Variants in ADGRD1 observed in about 807,000 individuals in gnomAD.
ADGRD1 encodes G-protein coupled receptor 133.
In ADGRD1, 77 loss-of-function variants were observed where a neutral mutation model predicts 113.4. The ratio of observed to expected loss-of-function variants is 0.68; its 90% CI spans 0.57 to 0.82. The LOEUF (loss-of-function observed/expected upper bound fraction) is 0.82. Among genes scored for constraint, ADGRD1 ranks in the 40% least tolerant of loss-of-function variants. The probability of loss-of-function intolerance (pLI) is 0.00; values close to 1 mark genes in which losing one functional copy is unlikely to be tolerated. For synonymous variants in ADGRD1, 474 were observed against 475.0 expected, an observed-to-expected ratio of 1.00 and a Z score of 0.03; for missense variants, 1,036 against 1,139.1, an observed-to-expected ratio of 0.91 and a Z score of 1.30.
intron 4 of ADGRD1, among the ~76,000 whole-genome samples, chr12:130,976,493 G>C (rs907288001): frequency 1.3e-5 from 2 of 152,132 alleles, no homozygotes; most frequent in African/African-American, 4.8e-5. Context: ...CCTGGGAATC[G>C]GCATTTTTAG....
chr12:131,015,861 G>T (rs1336626609), intron 13 of ADGRD1, among the ~76,000 whole-genome samples: 1 of 152,218 alleles, frequency 6.6e-6, no homozygotes, highest in Non-Finnish European at 1.5e-5. Context: ...CAGACTTATT[G>T]TCAAACACAC....
At chr12:131,106,060 C>T (rs1193048731) in intron 17 of ADGRD1, among the ~76,000 whole-genome samples, 195 bp downstream of exon 17, 1 of 152,158 alleles carries the variant, frequency 6.6e-6, no homozygotes, top group Non-Finnish European at 1.5e-5. Context: ...ACGCCAGCCT[C>T]GGGTAAAGCT....
intron 8 of ADGRD1, among the ~76,000 whole-genome samples, chr12:130,998,039 CA>C (rs1223056396): frequency 6.7e-6 from 1 of 149,616 alleles, no homozygotes; most frequent in Non-Finnish European, 1.5e-5. Flanking sequence ...CCGTCTCCAC[CA>C]AAAAAAAACG....
chr12:131,040,126 G>C (rs1881968188), intron 13 of ADGRD1, among the ~76,000 whole-genome samples: 1 of 152,210 alleles, frequency 6.6e-6, no homozygotes, highest in South Asian at 2.1e-4. Context: ...GCTCCCAGGG[G>C]CCGCTTTATT....
At chr12:130,994,793 G>A (rs1199543046) in intron 8 of ADGRD1, among the ~76,000 whole-genome samples, 2 of 152,336 alleles carry the variant, frequency 1.3e-5, no homozygotes, top group South Asian at 4.1e-4. Context: ...GCCAGATGCT[G>A]GGCTTGGTGC....
chr12:131,123,848 A>G (rs1950671423), intron 20 of ADGRD1, among the ~76,000 whole-genome samples: 1 of 149,664 alleles, frequency 6.7e-6, no homozygotes, highest in Non-Finnish European at 1.5e-5. Flanking sequence ...AAAAGGTTCC[A>G]GGTTCAAGTG....
chr12:130,994,304 TTGAGA>T (rs1381289192), intron 8 of ADGRD1: 1 of 441,930 alleles, frequency 2.3e-6, no homozygotes, highest in East Asian at 7.0e-5. Flanking sequence ...CTTGTTTTTG[TTGAGA>T]TGGGCTACAA....
At position 131,139,180 on chromosome 12, in the gene ADGRD1, C is replaced by A. The variant is rs758174939; in HGVS notation, c.2542C>A (p.Arg848=). The A allele has an allele frequency of 6.2e-7, 1 of 1,612,928 alleles. No individual in the cohort carries two copies. Residue 848 remains arginine (R), a synonymous_variant, in exon 25 of 25, where the codon CGG becomes AGG. Transcript: ENST00000261654. ...PFHSDLMNGT[R]PGMASTKLSP... ...TTATGCTTTGCAGATGAATGGGACC[C>A]GGCCAGGCATGGCCTCCACCAAGCT...
At chr12:130,990,878 C>A in intron 6 of ADGRD1, 136 bp from the exon 7 acceptor site, 1 of 619,200 alleles carries the variant, frequency 1.6e-6, no homozygotes, top group East Asian at 2.9e-5. Context: ...TTATCTCCAG[C>A]AACATTCCTA....
chr12:130,985,878 G>A (rs1001291429), intron 5 of ADGRD1, among the ~76,000 whole-genome samples: 2 of 152,066 alleles, frequency 1.3e-5, no homozygotes, highest in African/African-American at 2.4e-5. Flanking sequence ...TTTGGAACGT[G>A]GATATTCAGT....
At chr12:131,006,215 G>A (rs190210585) in intron 12 of ADGRD1, among the ~76,000 whole-genome samples, 168 bp downstream of exon 12, 1 of 152,356 alleles carries the variant, frequency 6.6e-6, no homozygotes, top group East Asian at 1.9e-4. Flanking sequence ...AAGGCCACTT[G>A]GGAACTGCAA....
intron 20 of ADGRD1, among the ~76,000 whole-genome samples, chr12:131,121,537 C>T (rs1011702533): frequency 3.3e-5 from 5 of 152,180 alleles, no homozygotes; most frequent in African/African-American, 4.8e-5. Flanking sequence ...TGCGCCACCA[C>T]GCCCAGCTAA....
intron 4 of ADGRD1, chr12:130,978,164 G>A (rs1470400260): frequency 2.0e-5 from 3 of 152,082 alleles, no homozygotes; most frequent in Admixed American, 2.0e-4. Flanking sequence ...CTTATGCCGT[G>A]GTCTCTACAT....
intron 13 of ADGRD1, among the ~76,000 whole-genome samples, chr12:131,028,898 C>T (rs565374698): frequency 2.5e-4 from 38 of 152,300 alleles, no homozygotes; most frequent in Admixed American, 8.5e-4. Context: ...TTTGGTGAGA[C>T]GCATTTAAAA....
chr12:131,083,885 TTC>T (rs1312652520), intron 14 of ADGRD1, among the ~76,000 whole-genome samples: 2 of 152,164 alleles, frequency 1.3e-5, no homozygotes, highest in Non-Finnish European at 2.9e-5. Context: ...CGTGGGGAGT[TTC>T]TGTGTGAGCG....
intron 21 of ADGRD1, among the ~76,000 whole-genome samples, chr12:131,132,357 A>G (rs1177591207): frequency 6.6e-6 from 1 of 152,086 alleles, no homozygotes; most frequent in African/African-American, 2.4e-5. Flanking sequence ...CACACAACTC[A>G]CTGCCATCGG....
intron 13 of ADGRD1, among the ~76,000 whole-genome samples, chr12:131,017,075 C>T (rs879611833): frequency 1.3e-5 from 2 of 151,702 alleles, no homozygotes; most frequent in Non-Finnish European, 2.9e-5. Flanking sequence ...GAGGCGGGGG[C>T]AAGTGGAGAG....
intron 12 of ADGRD1, among the ~76,000 whole-genome samples, chr12:131,011,403 T>C (rs770897787): frequency 1.1e-4 from 16 of 152,024 alleles, no homozygotes; most frequent in Non-Finnish European, 1.8e-4. Context: ...TCTCACTTAA[T>C]GTTTTCCTTA....
rs1262539290 is a variant in ADGRD1 at position 130,981,000 on chromosome 12, T to TA, written c.311-883dup. On this transcript the variant is annotated intron_variant, in intron 4 of 24. Transcript: ENST00000261654. ...GCAGCGTGGGCCTGGGGTCAGGACT[T>TA]ACCACGAATGTGCAGACTAGAGTCT... 4 of 152,242 alleles carry TA rather than the reference T, an allele frequency of 2.6e-5. No individual in the cohort carries two copies. In the East Asian group the frequency reaches 5.8e-4, roughly 22 times the overall value. 9.4% of individuals were successfully genotyped at this position (152,242 alleles called of 1,614,324 possible). A position where few individuals can be genotyped will look rare whatever the true frequency, so the allele number is the denominator to read the frequency against.
Sources: allele counts gnomAD v4.1 joint callset (sites outside exome capture counted in the v4.1 genomes callset), GRCh38; gene constraint gnomAD v4.1.1; transcripts MANE v1.5; gene names NCBI Gene and HGNC (gene_info 2026-07-23, HGNC 2026-07-21).